Variants in NCKAP5 observed in about 807,000 individuals in gnomAD.
NCKAP5 encodes nck-associated protein 5.
Under a neutral mutation model 167.0 loss-of-function variants are expected in NCKAP5, and 92 were observed. The observed-to-expected ratio is 0.55, with a 90% CI of 0.47 to 0.66. NCKAP5 has a LOEUF of 0.66. Ranked by LOEUF, NCKAP5 falls within the 30% of genes least tolerant of loss-of-function variation. The pLI, the probability that NCKAP5 is intolerant of heterozygous loss-of-function variation, is 0.00. For synonymous variants in NCKAP5, 891 were observed against 877.4 expected (o/e 1.02, Z -0.27); for missense variants, 2,378 against 2,315.0 (o/e 1.03, Z -0.56).
intron 6 of NCKAP5, among the ~76,000 whole-genome samples, chr2:133,024,683 C>T (rs1427554492): frequency 6.6e-6 from 1 of 152,070 alleles, no homozygotes; most frequent in East Asian, 1.9e-4. Context: ...TCATTATATG[C>T]TATTTGGAAA....
At chr2:133,167,017 C>T (rs926233838) in intron 5 of NCKAP5, among the ~76,000 whole-genome samples, 1 of 152,120 alleles carries the variant, frequency 6.6e-6, no homozygotes, top group Admixed American at 6.6e-5. Context: ...AGCTCAAATG[C>T]TTTCCTGTGA....
intron 3 of NCKAP5, among the ~76,000 whole-genome samples, chr2:133,306,182 TG>T (rs1407217510): frequency 6.6e-6 from 1 of 152,242 alleles, no homozygotes; most frequent in Non-Finnish European, 1.5e-5. Context: ...GAGGAAACTA[TG>T]GTCACCATAA....
At chr2:133,475,971 A>G (rs961313872) in intron 3 of NCKAP5, among the ~76,000 whole-genome samples, 3 of 152,220 alleles carry the variant, frequency 2.0e-5, no homozygotes, top group Non-Finnish European at 2.9e-5. Context: ...AACAAAAAGC[A>G]GAACAGCAAG....
the NCKAP5 span, among the ~76,000 whole-genome samples, chr2:133,653,749 C>A: frequency 1.3e-5 from 2 of 152,204 alleles, no homozygotes; most frequent in African/African-American, 4.8e-5. Context: ...CAAATGTCCA[C>A]GGGCAGCGCC....
intron 8 of NCKAP5, among the ~76,000 whole-genome samples, chr2:132,891,577 C>T (rs1270127397): frequency 3.9e-5 from 6 of 152,198 alleles, no homozygotes; most frequent in Admixed American, 3.9e-4. Context: ...AGAAAACAGC[C>T]TAAGGGCATA....
chr2:133,483,447 A>T (rs77580168), intron 3 of NCKAP5, among the ~76,000 whole-genome samples: 4,734 of 152,296 alleles, frequency 0.031, 100 homozygotes, highest in Admixed American at 0.07. Flanking sequence ...AGCCAAGAAG[A>T]TCATAAAAAT....
At position 133,069,126 on chromosome 2, in the gene NCKAP5, G is replaced by T. The variant is rs1423371041; in HGVS notation, c.341+60852C>A. Among the ~76,000 whole-genome samples the T allele has an allele frequency of 1.3e-5, 2 of 152,118 alleles. 1 individual carries two copies. The highest frequency in any genetic ancestry group is 4.1e-4 in the South Asian group (2 of 4,824). On this transcript the variant is annotated intron_variant, in intron 6 of 19. Transcript: ENST00000409261. ...CAATATTACACTGTGAGATATTCAC[G>T]GTTCAATGGAGAGATGGAAAATTAG...
chr2:133,013,807 C>A (rs1295980075), intron 6 of NCKAP5, among the ~76,000 whole-genome samples: 1 of 152,148 alleles, frequency 6.6e-6, no homozygotes, highest in Non-Finnish European at 1.5e-5. Context: ...TGGTTTACAT[C>A]CTTCTGTGTT....
In NCKAP5 at chr2:133,564,644, A is replaced by T. The variant is rs139851198; in HGVS notation, c.-130+3572T>A. On this transcript the variant is annotated intron_variant, in intron 1 of 19. Transcript: ENST00000409261. Reference sequence around the variant, plus strand: ...ATCTGAGAGAAGTAAGAGGGGAGACAGAGCAGGGAACGTTGTCAGATGAAG... The same window carrying T: ...ATCTGAGAGAAGTAAGAGGGGAGACTGAGCAGGGAACGTTGTCAGATGAAG... Among the ~76,000 whole-genome samples the T allele has an allele frequency of 2.2e-3, 341 of 152,330 alleles. 2 individuals carry two copies. Among genetic ancestry groups the T allele is most frequent in the African/African-American group, 7.7e-3 (319 of 41,576 alleles).
At chr2:133,393,133 C>T (rs530607475) in intron 3 of NCKAP5, among the ~76,000 whole-genome samples, 2 of 152,156 alleles carry the variant, frequency 1.3e-5, no homozygotes, top group Non-Finnish European at 2.9e-5. Context: ...GATGTTATAC[C>T]AGAGATGTGA....
Position 132,935,241 on chromosome 2 carries a change from A to G in NCKAP5, c.579+28479T>C, listed in dbSNP as rs146954685. On this transcript the variant is annotated intron_variant, in intron 8 of 19. Transcript: ENST00000409261. ...CCATTTATCCACCTTGAAACAAGCCATCTTAAGAATGATGTTAACTCATGG... is the reference window on the plus strand; with the variant it reads ...CCATTTATCCACCTTGAAACAAGCCGTCTTAAGAATGATGTTAACTCATGG... Among the ~76,000 whole-genome samples the G allele has an allele frequency of 2.8e-4, 42 of 152,340 alleles. No homozygotes were observed. The East Asian group carries it at 7.9e-3, about 29-fold the overall frequency.
the NCKAP5 span, among the ~76,000 whole-genome samples, chr2:133,606,028 G>GA: frequency 5.8e-3 from 882 of 151,842 alleles, 10 homozygotes; most frequent in African/African-American, 0.019. Flanking sequence ...GGTTAATGTG[G>GA]AAAAAAAATG....
intron 5 of NCKAP5, among the ~76,000 whole-genome samples, chr2:133,189,951 G>T (rs900336053): frequency 1.3e-5 from 2 of 152,032 alleles, no homozygotes; most frequent in Non-Finnish European, 2.9e-5. Flanking sequence ...AAGAAATAAA[G>T]GGTATTCAAT....
intron 6 of NCKAP5, among the ~76,000 whole-genome samples, chr2:133,068,587 A>G (rs888345533): frequency 6.6e-6 from 1 of 152,146 alleles, no homozygotes; most frequent in Non-Finnish European, 1.5e-5. Context: ...TCAAGCTGTT[A>G]GAGGGACTCG....
intron 3 of NCKAP5, among the ~76,000 whole-genome samples, chr2:133,437,117 G>T (rs751234515): frequency 1.3e-5 from 2 of 152,094 alleles, no homozygotes; most frequent in East Asian, 3.9e-4. Context: ...ACTTTGGGAC[G>T]TCGAGGCGGG....
intron 4 of NCKAP5, among the ~76,000 whole-genome samples, chr2:133,255,655 T>G (rs2150352734): frequency 6.6e-6 from 1 of 152,292 alleles, no homozygotes; most frequent in Admixed American, 6.5e-5. Context: ...AAAGACAAAC[T>G]CTGCCCCTTG....
At chr2:132,994,130 A>G (rs2077522818) in intron 7 of NCKAP5, 22 bp downstream of exon 7, 1 of 1,499,072 alleles carries the variant, frequency 6.7e-7, no homozygotes, top group Non-Finnish European at 9.1e-7. Flanking sequence ...GTACCCAGCC[A>G]AGAATAATAA....
At chr2:132,721,682 T>C (rs1428037283) in intron 19 of NCKAP5, among the ~76,000 whole-genome samples, 1 of 152,224 alleles carries the variant, frequency 6.6e-6, no homozygotes, top group Non-Finnish European at 1.5e-5. Flanking sequence ...TTAATGCCCC[T>C]TCCTAGGGTT....
intron 6 of NCKAP5, among the ~76,000 whole-genome samples, chr2:133,009,969 G>A (rs1272220944): frequency 6.6e-6 from 1 of 151,992 alleles, no homozygotes; most frequent in Non-Finnish European, 1.5e-5. Context: ...TACTCAGGAG[G>A]CTGAGGCAGG....
Sources: allele counts gnomAD v4.1 joint callset (sites outside exome capture counted in the v4.1 genomes callset), GRCh38; gene constraint gnomAD v4.1.1; transcripts MANE v1.5; gene names NCBI Gene and HGNC (gene_info 2026-07-23, HGNC 2026-07-21).